CDH2: variants seen among roughly 807,000 people sequenced by gnomAD.
CDH2 encodes cadherin-2.
Under a neutral mutation model 92.0 loss-of-function variants are expected in CDH2, and 17 were observed. The ratio of observed to expected loss-of-function variants is 0.18; its 90% CI spans 0.13 to 0.28. CDH2 has a LOEUF of 0.28. Ranked by LOEUF, CDH2 falls within the 10% of genes least tolerant of loss-of-function variation. The pLI, the probability that CDH2 is intolerant of heterozygous loss-of-function variation, is 1.00. For missense variants in CDH2, 862 were observed against 1,133.1 expected (o/e 0.76, Z 3.44); for synonymous variants, 419 against 415.9 (o/e 1.01, Z -0.09).
intron 2 of CDH2, among the ~76,000 whole-genome samples, chr18:28,050,771 G>A (rs2014175498): frequency 6.6e-6 from 1 of 152,148 alleles, no homozygotes; most frequent in South Asian, 2.1e-4. Context: ...GACAAGGAGA[G>A]GCCTCTGGGG....
At chr18:28,054,937 A>G (rs1021966780) in intron 2 of CDH2, among the ~76,000 whole-genome samples, 3 of 152,326 alleles carry the variant, frequency 2.0e-5, no homozygotes, top group South Asian at 2.1e-4. Context: ...AGAAAAATTT[A>G]TATCTATAAA....
At chr18:28,176,347 C>T (rs2016541214) in intron 1 of CDH2, among the ~76,000 whole-genome samples, 1 of 152,104 alleles carries the variant, frequency 6.6e-6, no homozygotes, top group South Asian at 2.1e-4. Context: ...GCAAGAGGGC[C>T]AGATTTTCTT....
intron 1 of CDH2, among the ~76,000 whole-genome samples, chr18:28,158,954 C>T (rs927254897): frequency 1.3e-5 from 2 of 152,118 alleles, no homozygotes; most frequent in African/African-American, 4.8e-5. Flanking sequence ...ACGCATACAA[C>T]TGGTTTAATA....
At chr18:28,064,177 C>G (rs2014461374) in intron 2 of CDH2, among the ~76,000 whole-genome samples, 1 of 152,092 alleles carries the variant, frequency 6.6e-6, no homozygotes, top group Non-Finnish European at 1.5e-5. Flanking sequence ...TTTCTCTCTT[C>G]TGTCTCAAAA....
intron 1 of CDH2, among the ~76,000 whole-genome samples, chr18:28,166,170 A>ATATATATATATG (rs1020592723): frequency 2.2e-5 from 3 of 136,094 alleles, no homozygotes; most frequent in African/African-American, 8.6e-5. Flanking sequence ...ATATATATAT[A>ATATATATATATG]TATGTCTGTA....
chr18:27,979,980 C>T (rs2143938470), intron 14 of CDH2, among the ~76,000 whole-genome samples: 1 of 152,220 alleles, frequency 6.6e-6, no homozygotes, highest in East Asian at 1.9e-4. Context: ...CAGCTAAGTT[C>T]CCAATCAAAG....
At chr18:27,943,662 A>G (rs1413473927) in intron 6 of CDH2, among the ~76,000 whole-genome samples, 1 of 152,184 alleles carries the variant, frequency 6.6e-6, no homozygotes, top group African/African-American at 2.4e-5. Flanking sequence ...CCCAGTATCT[A>G]TGCACCTGGA....
At chr18:27,989,101 T>C (rs17522292) in intron 10 of CDH2, among the ~76,000 whole-genome samples, 1,527 of 152,258 alleles carry the variant, frequency 0.01, 35 homozygotes, top group African/African-American at 0.035. Context: ...CCTAAAACAT[T>C]TTAACACTTT....
chr18:27,973,007 T>C (rs1474154426), intron 14 of CDH2, among the ~76,000 whole-genome samples: 1 of 152,134 alleles, frequency 6.6e-6, no homozygotes, highest in African/African-American at 2.4e-5. Context: ...TGTGCAAGTA[T>C]AGGCAGTTCA....
At chr18:28,016,865 C>T (rs1273413543) in intron 2 of CDH2, among the ~76,000 whole-genome samples, 1 of 152,100 alleles carries the variant, frequency 6.6e-6, no homozygotes, top group South Asian at 2.1e-4. Context: ...TTTTCTGTGT[C>T]TATTGAGATG....
chr18:28,152,966 T>C (rs1389418104), intron 1 of CDH2, among the ~76,000 whole-genome samples: 2 of 152,182 alleles, frequency 1.3e-5, no homozygotes, highest in Non-Finnish European at 2.9e-5. Flanking sequence ...CCTTCCCTCA[T>C]GTTTCCAGCT....
chr18:28,021,163 C>A (rs567704126), intron 2 of CDH2, among the ~76,000 whole-genome samples: 10 of 151,874 alleles, frequency 6.6e-5, no homozygotes, highest in African/African-American at 2.4e-4. Flanking sequence ...ATGTAATTAT[C>A]CTAAGTATGA....
At chr18:28,034,060 C>G (rs1381760428) in intron 2 of CDH2, among the ~76,000 whole-genome samples, 1 of 151,680 alleles carries the variant, frequency 6.6e-6, no homozygotes, top group African/African-American at 2.4e-5. Context: ...ATTTTTTTAT[C>G]AATTCTTTCT....
chr18:28,001,824 T>A (rs1261084228), intron 7 of CDH2, among the ~76,000 whole-genome samples: 1 of 152,244 alleles, frequency 6.6e-6, no homozygotes, highest in Non-Finnish European at 1.5e-5. Flanking sequence ...ATTGCAATAG[T>A]AATGTTTTCT....
At chr18:28,002,098 G>A (rs566840585) in intron 7 of CDH2, among the ~76,000 whole-genome samples, 1 of 152,324 alleles carries the variant, frequency 6.6e-6, no homozygotes, top group Admixed American at 6.5e-5. Flanking sequence ...TAAGAAAATA[G>A]TCAGGACAGA....
At chr18:27,949,245 C>A (rs192614644), downstream of CDH2, among the ~76,000 whole-genome samples, 103 of 152,018 alleles carry the variant, frequency 6.8e-4, no homozygotes, top group African/African-American at 2.2e-3. Flanking sequence ...TTTTAGAAAG[C>A]CTTGTCTTCT....
chr18:27,946,902 G>A (rs1909279780), downstream of CDH2, among the ~76,000 whole-genome samples: 1 of 151,898 alleles, frequency 6.6e-6, no homozygotes, highest in Admixed American at 6.6e-5. Flanking sequence ...CTATGTAGAT[G>A]AAGAAAGTGT....
rs563307725 is a variant in CDH2, at chr18:27,972,284, T to C, written c.2350-8763A>G. Among the ~76,000 whole-genome samples the C allele has an allele frequency of 1.3e-4, 20 of 152,342 alleles. No individual in the cohort carries two copies. In the East Asian group the frequency reaches 3.7e-3, roughly 28 times the overall value. The stretch of plus-strand genomic sequence containing the variant: ...ACCCTTATGTCTTCTAAAGTCATAT[T>C]ACCAGTGGTCATCTAATAAGCTGTG... On this transcript the variant is annotated intron_variant, in intron 14 of 15. Coordinates refer to ENST00000269141, the MANE Select transcript of CDH2 (RefSeq NM_001792.5).
At chr18:28,120,470 C>T (rs897393278) in intron 2 of CDH2, among the ~76,000 whole-genome samples, 6 of 152,024 alleles carry the variant, frequency 3.9e-5, no homozygotes, top group African/African-American at 1.4e-4. Flanking sequence ...AAAATATATA[C>T]ATCACTTAGT....
Sources: allele counts gnomAD v4.1 joint callset (sites outside exome capture counted in the v4.1 genomes callset), GRCh38; gene constraint gnomAD v4.1.1; transcripts MANE v1.5; gene names NCBI Gene and HGNC (gene_info 2026-07-23, HGNC 2026-07-21).